Variants in SLC6A17 observed in about 807,000 individuals in gnomAD.
SLC6A17 encodes the protein sodium-dependent neutral amino acid transporter SLC6A17.
Under a neutral mutation model 64.5 loss-of-function variants are expected in SLC6A17, and 21 were observed. The observed-to-expected ratio is 0.33, with a 90% CI of 0.23 to 0.47. SLC6A17 has a LOEUF of 0.47. Among genes scored for constraint, SLC6A17 ranks in the 20% least tolerant of loss-of-function variants. SLC6A17 has a pLI of 1.00. For synonymous variants in SLC6A17, 372 were observed against 399.5 expected (o/e 0.93, Z 0.82); for missense variants, 682 against 963.2 (o/e 0.71, Z 3.86).
chr1:110,184,762 C>G (rs541997077), intron 6 of SLC6A17, among the ~76,000 whole-genome samples: 1 of 152,290 alleles, frequency 6.6e-6, no homozygotes, highest in East Asian at 1.9e-4. Flanking sequence ...GGAACACACC[C>G]ACACATATTC....
intron 1 of SLC6A17, among the ~76,000 whole-genome samples, chr1:110,165,706 C>A (rs1656030442): frequency 6.6e-6 from 1 of 152,216 alleles, no homozygotes; most frequent in South Asian, 2.1e-4. Flanking sequence ...CCTTGAACTG[C>A]ACAGCAGCCT....
Position 110,199,977 on chromosome 1 carries a change from G to A in SLC6A17, c.*1533G>A. 2.5e-6 allele frequency: 1 copy of A among 397,496 alleles called. No homozygotes were observed. The highest frequency in any genetic ancestry group is 4.4e-6 in the Non-Finnish European group (1 of 225,752). 24.6% of individuals were successfully genotyped at this position (397,496 alleles called of 1,614,324 possible). On this transcript the variant is annotated 3_prime_UTR_variant, in exon 12 of 12. Transcript: ENST00000331565. Reference sequence around the variant, plus strand: ...GATGGATGGATGGATGGACGGATGGGGTGGGGGAAGGAAGGAAAGGAGGGA... The same window carrying A: ...GATGGATGGATGGATGGACGGATGGAGTGGGGGAAGGAAGGAAAGGAGGGA...
intron 3 of SLC6A17, 84 bp downstream of exon 3, chr1:110,172,301 G>A: frequency 6.7e-7 from 1 of 1,481,814 alleles, no homozygotes; most frequent in Non-Finnish European, 9.0e-7. Context: ...GAGTTTCCAG[G>A]CCAGAGTCCT....
intron 1 of SLC6A17, among the ~76,000 whole-genome samples, chr1:110,163,906 G>GC (rs1022628708): frequency 6.6e-6 from 1 of 151,888 alleles, no homozygotes; most frequent in Non-Finnish European, 1.5e-5. Flanking sequence ...CTTCCTGACT[G>GC]CCCCCCAACC....
intron 1 of SLC6A17, among the ~76,000 whole-genome samples, chr1:110,157,535 T>C (rs897246868): frequency 1.3e-5 from 2 of 151,818 alleles, no homozygotes; most frequent in Admixed American, 1.3e-4. Flanking sequence ...ATTGCGCCAC[T>C]GCACTCCAGC....
intron 1 of SLC6A17, among the ~76,000 whole-genome samples, chr1:110,153,985 A>T (rs1655685328): frequency 6.6e-6 from 1 of 152,170 alleles, no homozygotes. Context: ...GGTAGATGTG[A>T]TTGCTAGAGC....
chr1:110,170,398 G>C (rs914020740), intron 2 of SLC6A17, among the ~76,000 whole-genome samples: 1 of 152,156 alleles, frequency 6.6e-6, no homozygotes, highest in African/African-American at 2.4e-5. Context: ...GCAGGAGAAT[G>C]GTGTGAACCC....
At chr1:110,154,071 T>C (rs573127359) in intron 1 of SLC6A17, among the ~76,000 whole-genome samples, 1 of 152,256 alleles carries the variant, frequency 6.6e-6, no homozygotes, top group Non-Finnish European at 1.5e-5. Context: ...GGGTGAGTGC[T>C]GTTCTGGATT....
In SLC6A17 at chr1:110,198,689, C is replaced by T. The variant is rs138434527; in HGVS notation, c.*245C>T. 6,111 of 541,036 alleles carry T rather than the reference C, an allele frequency of 0.011. 65 individuals are homozygous for T. Among genetic ancestry groups the T allele is most frequent in the Non-Finnish European group, 0.012 (3,980 of 327,074 alleles). The allele number at this position is 541,036 out of a possible 1,614,324, so 33.5% of individuals were successfully genotyped here. A position where few individuals can be genotyped will look rare whatever the true frequency, so the allele number is the denominator to read the frequency against. On this transcript the variant is annotated 3_prime_UTR_variant, in exon 12 of 12. Transcript: ENST00000331565. ...ACTCATCTAGCCCTCCAAGAGCCTC[C>T]GCCAAATTGTAGCCATGTAATTGGA...
rs199862853 is a variant in SLC6A17 at position 110,167,079 on chromosome 1, G to A, written c.150G>A (p.Ala50=). The change falls in exon 2 of 12, where the codon GCG becomes GCA. Residue 50 remains alanine (A), a synonymous_variant. Transcript: ENST00000331565. ...GTGAGGCAGGCGGCAAGCAGAAGGC[G>A]GTGGAGGAGGAGCTGGATGCAGAGG... ...VAGEAGGKQK[A]VEEELDAEDR... The A allele has an allele frequency of 2.6e-5, 42 of 1,611,066 alleles. No individual in the cohort carries two copies. Among genetic ancestry groups the A allele is most frequent in the Middle Eastern group, 1.7e-4 (1 of 6,042 alleles).
At chr1:110,187,922 A>G (rs879485639) in intron 6 of SLC6A17, among the ~76,000 whole-genome samples, 13 of 152,274 alleles carry the variant, frequency 8.5e-5, no homozygotes, top group Non-Finnish European at 1.6e-4. Context: ...TAGGCACAGT[A>G]CAGGCCCCCA....
chr1:110,153,056 G>T (rs10857815), intron 1 of SLC6A17, among the ~76,000 whole-genome samples: 12 of 152,010 alleles, frequency 7.9e-5, no homozygotes, highest in African/African-American at 2.7e-4. Context: ...ATTAGTGTTG[G>T]GGTAGGGGTG....
Position 110,200,326 on chromosome 1 carries a change from C to G in SLC6A17, c.*1882C>G. The stretch of plus-strand genomic sequence containing the variant: ...TTTGAGGGGAGAGAGAGACCCACAT[C>G]TCCCCAAAGAGATGAGCTTTTGGGG... On this transcript the variant is annotated 3_prime_UTR_variant, in exon 12 of 12. Coordinates refer to ENST00000331565, the MANE Select transcript of SLC6A17 (RefSeq NM_001010898.4). 1 of 379,826 alleles carries G rather than the reference C, an allele frequency of 2.6e-6. No individual in the cohort carries two copies. Among genetic ancestry groups the G allele is most frequent in the South Asian group, 1.5e-4 (1 of 6,816 alleles). 23.5% of individuals were successfully genotyped at this position (379,826 alleles called of 1,614,324 possible). A position where few individuals can be genotyped will look rare whatever the true frequency, so the allele number is the denominator to read the frequency against.
chr1:110,174,300 G>A (rs1656315694), intron 4 of SLC6A17, among the ~76,000 whole-genome samples: 1 of 152,204 alleles, frequency 6.6e-6, no homozygotes, highest in Non-Finnish European at 1.5e-5. Context: ...ATAAGACAGT[G>A]AGTGTAGGTA....
intron 1 of SLC6A17, among the ~76,000 whole-genome samples, chr1:110,153,519 A>G (rs986148995): frequency 2.2e-5 from 3 of 137,226 alleles, no homozygotes; most frequent in Admixed American, 7.3e-5. Flanking sequence ...GCTACTGGAA[A>G]TGTGTGTGTG....
chr1:110,192,106 C>T lies in SLC6A17; in HGVS notation c.999C>T (p.Ala333=), dbSNP rs140501605. Residue 333 remains alanine (A), a synonymous_variant, in exon 7 of 12, where the codon GCC becomes GCT. Coordinates refer to ENST00000331565, the MANE Select transcript of SLC6A17 (RefSeq NM_001010898.4). This position sits in a 1 kb window ranked among gnomAD's most constrained non-coding sequence, Gnocchi z 4.3. ...AGGACAACAACTGCCACTTCGATGCCGCCCTGGTGTCCTTCATCAACTTCT... is the reference window on the plus strand; with the variant it reads ...AGGACAACAACTGCCACTTCGATGCTGCCCTGGTGTCCTTCATCAACTTCT... ...NKQDNNCHFD[A]ALVSFINFFT... is the part of the protein sequence containing the mutation. 8.1e-6 allele frequency: 13 copies of T among 1,614,070 alleles called. No individual in the cohort carries two copies. The highest frequency in any genetic ancestry group is 2.2e-5 in the East Asian group (1 of 44,898).
At chr1:110,173,319 G>A (rs1289122612) in intron 3 of SLC6A17, among the ~76,000 whole-genome samples, 2 of 152,256 alleles carry the variant, frequency 1.3e-5, no homozygotes, top group Admixed American at 6.5e-5. Context: ...GCCTCTGGAA[G>A]GGACCACCCT....
chr1:110,173,653 A>T (rs1003817720), intron 3 of SLC6A17, among the ~76,000 whole-genome samples: 2 of 152,238 alleles, frequency 1.3e-5, no homozygotes, highest in African/African-American at 4.8e-5. Flanking sequence ...TCATCAGGAA[A>T]TGAGGAGGAG....
chr1:110,167,367 T>C (rs559593242), intron 2 of SLC6A17, 152 bp downstream of exon 2: 29 of 989,938 alleles, frequency 2.9e-5, no homozygotes, highest in African/African-American at 9.8e-5. Context: ...ATAGCTATAA[T>C]GATGGTTAGT....
Sources: allele counts gnomAD v4.1 joint callset (sites outside exome capture counted in the v4.1 genomes callset), GRCh38; gene constraint gnomAD v4.1.1; non-coding constraint Gnocchi (gnomAD v3.1); transcripts MANE v1.5; gene names NCBI Gene and HGNC (gene_info 2026-07-23, HGNC 2026-07-21).